Variants in MDM1 observed in about 807,000 individuals in gnomAD.
MDM1 encodes the protein Mdm1 nuclear protein.
Under a neutral mutation model 89.1 loss-of-function variants are expected in MDM1, and 61 were observed. The ratio of observed to expected loss-of-function variants is 0.68; its 90% CI spans 0.56 to 0.85. The LOEUF (loss-of-function observed/expected upper bound fraction) is 0.85. Ranked by LOEUF, MDM1 falls within the 40% of genes least tolerant of loss-of-function variation. MDM1 has a pLI of 0.00. For missense variants in MDM1, 820 were observed against 846.5 expected, an observed-to-expected ratio of 0.97 and a Z score of 0.39; for synonymous variants, 290 against 294.1, an observed-to-expected ratio of 0.99 and a Z score of 0.14.
chr12:68,299,285 C>T lies in MDM1; in HGVS notation c.2003-2303G>A, dbSNP rs935687821. On this transcript the variant is annotated intron_variant, in intron 13 of 14. Transcript: ENST00000682720. Reference sequence around the variant, plus strand: ...CTCACTCTCCAGTAACTGATCCAAACCAAGATGAAATCTTTGAAATACCAG... The same window carrying T: ...CTCACTCTCCAGTAACTGATCCAAATCAAGATGAAATCTTTGAAATACCAG... Among the ~76,000 whole-genome samples the T allele has an allele frequency of 2.0e-5, 3 of 152,140 alleles. No homozygotes were observed. In the East Asian group the frequency reaches 5.8e-4, roughly 29 times the overall value.
At chr12:68,329,465 TG>T (rs1316074170) in intron 2 of MDM1, among the ~76,000 whole-genome samples, 1 of 152,210 alleles carries the variant, frequency 6.6e-6, no homozygotes, top group Non-Finnish European at 1.5e-5. Context: ...ACATCACATG[TG>T]GGACACTAAG....
chr12:68,320,084 C>T (rs1374393999), intron 7 of MDM1, among the ~76,000 whole-genome samples: 2 of 152,176 alleles, frequency 1.3e-5, no homozygotes, highest in East Asian at 3.8e-4. Context: ...CACAACAGGC[C>T]AGCGGCTGAC....
rs369718005 is a variant in MDM1, at chr12:68,326,683, C to A, written c.472G>T (p.Val158Phe). ...ENVELEHSTK[V>F]LSENVDNGLD... ...CCATTATCTACATTTTCTGAAAGAA[C>A]CTTGGTAGAATGTTCCAGTTCCACA... Residue 158 changes from valine (V) to phenylalanine (F), a missense_variant, in exon 3 of 15, where the codon GTT (valine) becomes TTT (phenylalanine). Coordinates refer to ENST00000682720, the MANE Select transcript of MDM1 (RefSeq NM_001354969.2). 7.4e-6 allele frequency: 12 copies of A among 1,614,096 alleles called. No homozygotes were observed. The highest frequency in any genetic ancestry group is 2.2e-5 in the East Asian group (1 of 44,882).
intron 13 of MDM1, among the ~76,000 whole-genome samples, chr12:68,297,265 T>C (rs985348108): frequency 6.6e-6 from 1 of 152,256 alleles, no homozygotes; most frequent in African/African-American, 2.4e-5. Flanking sequence ...ATAATATTGA[T>C]CTATTCTAAC....
intron 13 of MDM1, among the ~76,000 whole-genome samples, chr12:68,301,648 A>C (rs1193048729): frequency 1.3e-5 from 2 of 152,234 alleles, no homozygotes; most frequent in Non-Finnish European, 2.9e-5. Flanking sequence ...TAACCCTTTC[A>C]AATTTAAAGA....
At chr12:68,310,359 GGAT>G (rs1318920592) in intron 12 of MDM1, among the ~76,000 whole-genome samples, 5 of 152,116 alleles carry the variant, frequency 3.3e-5, no homozygotes, top group Non-Finnish European at 5.9e-5. Context: ...ACATTCTAAG[GGAT>G]GATATTACTC....
chr12:68,322,730 G>A (rs1439669487), intron 5 of MDM1, among the ~76,000 whole-genome samples: 1 of 152,198 alleles, frequency 6.6e-6, no homozygotes. Context: ...TACCCCTGGA[G>A]GTTACTGTAA....
At chr12:68,322,929 G>T in intron 5 of MDM1, 144 bp downstream of exon 5, 1 of 713,890 alleles carries the variant, frequency 1.4e-6, no homozygotes, top group Non-Finnish European at 2.3e-6. Flanking sequence ...GCTCCTAGTA[G>T]CTGGCTCAAT....
intron 12 of MDM1, among the ~76,000 whole-genome samples, chr12:68,306,749 C>A (rs1392895004): frequency 6.6e-6 from 1 of 152,012 alleles, no homozygotes; most frequent in South Asian, 2.1e-4. Flanking sequence ...GGCAAGGATG[C>A]AGAGAAAAGG....
Position 68,332,267 on chromosome 12 carries a change from C to G in MDM1, c.-22G>C, listed in dbSNP as rs771922645. 2.1e-5 allele frequency: 34 copies of G among 1,581,762 alleles called. No homozygotes were observed. The highest frequency in any genetic ancestry group is 5.4e-5 in the African/African-American group (4 of 74,056). On this transcript the variant is annotated 5_prime_UTR_variant, in exon 1 of 15. Coordinates refer to ENST00000682720, the MANE Select transcript of MDM1 (RefSeq NM_001354969.2). ...GCATGTCGCCCGGCGCCGGAGCCCC[C>G]GCTACTCCGACAGTTAACTGGAGAA...
At chr12:68,301,385 C>CAGT (rs1872135856) in intron 13 of MDM1, among the ~76,000 whole-genome samples, 1 of 152,122 alleles carries the variant, frequency 6.6e-6, no homozygotes, top group African/African-American at 2.4e-5. Flanking sequence ...TGCATGTTCT[C>CAGT]ACTTACCAGT....
chr12:68,320,599 A>T (rs1875091797), intron 7 of MDM1, among the ~76,000 whole-genome samples: 1 of 152,234 alleles, frequency 6.6e-6, no homozygotes, highest in South Asian at 2.1e-4. Flanking sequence ...GCTAAATAAA[A>T]GACTCATTCC....
rs544772682 is a variant in MDM1, at chr12:68,298,496, C to T, written c.2003-1514G>A. On this transcript the variant is annotated intron_variant, in intron 13 of 14. Transcript: ENST00000682720. ...ATTTCCCCTTGTCCACCACTGCAGA[C>T]ACAGCTGGGACTTCTCCCACAGGAC... Among the ~76,000 whole-genome samples the T allele has an allele frequency of 1.5e-3, 236 of 152,278 alleles. 1 individual carries two copies. Among genetic ancestry groups the T allele is most frequent in the African/African-American group, 5.3e-3 (222 of 41,554 alleles).
intron 4 of MDM1, 42 bp from the exon 5 acceptor site, chr12:68,323,282 T>C (rs2121102408): frequency 7.0e-7 from 1 of 1,433,752 alleles, no homozygotes; most frequent in Non-Finnish European, 9.4e-7. Context: ...GTTGATTAAA[T>C]ATGCGGAACT....
At chr12:68,321,710 T>G in intron 5 of MDM1, 82 bp from the exon 6 acceptor site, 1 of 797,660 alleles carries the variant, frequency 1.3e-6, no homozygotes, top group Non-Finnish European at 2.0e-6. Flanking sequence ...AAGTTAGACT[T>G]GAATATTTAA....
At chr12:68,318,953 T>C (rs557101824) in intron 7 of MDM1, among the ~76,000 whole-genome samples, 1 of 152,316 alleles carries the variant, frequency 6.6e-6, no homozygotes, top group East Asian at 1.9e-4. Context: ...GGTCACTTTA[T>C]ACCTAGTCTT....
At chr12:68,324,304 T>C (rs1875651526) in intron 4 of MDM1, among the ~76,000 whole-genome samples, 2 of 152,070 alleles carry the variant, frequency 1.3e-5, no homozygotes, top group Non-Finnish European at 2.9e-5. Flanking sequence ...AAAAACTGAA[T>C]AATTACAATT....
In MDM1 at chr12:68,297,528, G is replaced by A. The variant is rs142922606; in HGVS notation, c.2003-546C>T. Among the ~76,000 whole-genome samples, 716 of 152,348 alleles carry A rather than the reference G, an allele frequency of 4.7e-3. 23 individuals are homozygous for A. Among genetic ancestry groups the A allele is most frequent in the Admixed American group, 0.04 (615 of 15,298 alleles). On this transcript the variant is annotated intron_variant, in intron 13 of 14. Transcript: ENST00000682720. ...TGATGGCTCTGGGTTTGGGCATACT[G>A]AGTACCACTGAAAGTTGGAGTGAAG...
intron 1 of MDM1, 104 bp downstream of exon 1, chr12:68,332,124 G>T: frequency 6.7e-7 from 1 of 1,484,334 alleles, no homozygotes; most frequent in Non-Finnish European, 9.2e-7. Context: ...GCTTCCGCCG[G>T]GCAGAGGGCT....
Sources: allele counts gnomAD v4.1 joint callset (sites outside exome capture counted in the v4.1 genomes callset), GRCh38; gene constraint gnomAD v4.1.1; transcripts MANE v1.5; gene names NCBI Gene and HGNC (gene_info 2026-07-23, HGNC 2026-07-21).